SPG11: variants seen among roughly 807,000 people sequenced by gnomAD.
SPG11 encodes the protein SPG11 vesicle trafficking associated, spatacsin, also known as spatacsin.
A neutral mutation model predicts 274.0 loss-of-function variants in SPG11; 222 were observed. That is an observed-to-expected ratio of 0.81 (90% CI 0.73 to 0.91). The LOEUF is 0.91. Ranked by LOEUF, SPG11 falls within the 40% of genes least tolerant of loss-of-function variation. The pLI is 0.00. For synonymous variants in SPG11, 1,144 were observed against 1,039.7 expected (o/e 1.10, Z -1.93); for missense variants, 3,114 against 2,872.7 (o/e 1.08, Z -1.92).
intron 6 of SPG11, among the ~76,000 whole-genome samples, chr15:44,649,405 A>C (rs975615245): frequency 1.3e-5 from 2 of 152,184 alleles, no homozygotes; most frequent in Admixed American, 1.3e-4. Context: ...AAAATTTTTA[A>C]ATTGTTTTGT....
intron 4 of SPG11, among the ~76,000 whole-genome samples, chr15:44,653,751 T>A (rs1315192503): frequency 6.6e-6 from 1 of 152,130 alleles, no homozygotes; most frequent in South Asian, 2.1e-4. Context: ...TTCCCTCTTA[T>A]CCACAGTGGA....
At chr15:44,611,709 T>A (rs2083463069) in intron 17 of SPG11, among the ~76,000 whole-genome samples, 1 of 151,626 alleles carries the variant, frequency 6.6e-6, no homozygotes, top group African/African-American at 2.4e-5. Flanking sequence ...TAGAAAAAAA[T>A]GGAAAATGCC....
rs768097150 is a variant in SPG11 at position 44,663,410 on chromosome 15, G to A, written c.238C>T (p.Leu80=). The A allele has an allele frequency of 6.2e-6, 10 of 1,607,438 alleles. No homozygotes were observed. In the South Asian group the frequency reaches 8.9e-5, roughly 14 times the overall value. Residue 80 remains leucine (L), a synonymous_variant, in exon 1 of 40, where the codon CTG becomes TTG. Transcript: ENST00000261866. ...PGSRGGGRCC[L]EGPFWHFLWE... is the part of the protein sequence containing the mutation. ...ACTTACTGCCAGAAGGGGCCCTCCAGGCAGCAGCGACCCCCGCCCCGGCTG... is the reference window on the plus strand; with the variant it reads ...ACTTACTGCCAGAAGGGGCCCTCCAAGCAGCAGCGACCCCCGCCCCGGCTG...
intron 16 of SPG11, among the ~76,000 whole-genome samples, chr15:44,614,463 A>G (rs1332308205): frequency 1.3e-5 from 2 of 152,160 alleles, no homozygotes; most frequent in Admixed American, 1.3e-4. Context: ...GGCTAAAGTG[A>G]TTCTCCTGCC....
intron 2 of SPG11, among the ~76,000 whole-genome samples, chr15:44,660,088 A>T (rs997585992): frequency 6.6e-6 from 1 of 152,116 alleles, no homozygotes; most frequent in Non-Finnish European, 1.5e-5. Flanking sequence ...AAAATAAATA[A>T]ATAAAATTTT....
At chr15:44,597,528 C>T (rs1458134264) in intron 23 of SPG11, among the ~76,000 whole-genome samples, 2 of 152,168 alleles carry the variant, frequency 1.3e-5, no homozygotes, top group South Asian at 2.1e-4. Flanking sequence ...GTGTAGCATC[C>T]TTAGGAGAAC....
intron 8 of SPG11, among the ~76,000 whole-genome samples, chr15:44,633,027 A>G (rs1274191890): frequency 6.6e-6 from 1 of 152,194 alleles, no homozygotes; most frequent in Non-Finnish European, 1.5e-5. Flanking sequence ...GGGGACATTT[A>G]TAGAATCTGA....
intron 33 of SPG11, among the ~76,000 whole-genome samples, chr15:44,571,034 C>T (rs1440650035): frequency 6.6e-6 from 1 of 152,156 alleles, no homozygotes; most frequent in Non-Finnish European, 1.5e-5. Context: ...AGCAAAAGGT[C>T]TCAGGGCCTA....
intron 35 of SPG11, 136 bp downstream of exon 35, chr15:44,569,262 G>A (rs1288716297): frequency 4.1e-5 from 29 of 711,336 alleles, no homozygotes; most frequent in Non-Finnish European, 5.1e-5. Flanking sequence ...GACAGTGTAT[G>A]TCTTGGGGAG....
At chr15:44,647,439 T>C (rs1454306393) in intron 7 of SPG11, among the ~76,000 whole-genome samples, 2 of 152,110 alleles carry the variant, frequency 1.3e-5, no homozygotes, top group Non-Finnish European at 2.9e-5. Context: ...AATGAAAACA[T>C]ATGTCAACAC....
At chr15:44,624,730 T>C (rs1476195340) in intron 11 of SPG11, among the ~76,000 whole-genome samples, 1 of 152,208 alleles carries the variant, frequency 6.6e-6, no homozygotes, top group African/African-American at 2.4e-5. Flanking sequence ...AGCTTACTTG[T>C]GGTAATTTTT....
At chr15:44,632,855 T>G (rs1158774581) in intron 8 of SPG11, among the ~76,000 whole-genome samples, 3 of 152,112 alleles carry the variant, frequency 2.0e-5, no homozygotes, top group Admixed American at 2.0e-4. Flanking sequence ...AGCCACACTG[T>G]CAATACACAT....
intron 7 of SPG11, 51 bp from the exon 8 acceptor site, chr15:44,633,688 A>G: frequency 1.3e-6 from 2 of 1,576,852 alleles, no homozygotes; most frequent in Middle Eastern, 1.8e-4. Flanking sequence ...ATAGGAAAAA[A>G]AAATCAGGAT....
chr15:44,659,617 A>T (rs1357328007), intron 2 of SPG11, among the ~76,000 whole-genome samples: 2 of 152,096 alleles, frequency 1.3e-5, no homozygotes, highest in Non-Finnish European at 2.9e-5. Context: ...AAAGAAAAAA[A>T]GAAGAAACCT....
intron 7 of SPG11, among the ~76,000 whole-genome samples, chr15:44,635,964 G>C (rs2084236653): frequency 6.6e-6 from 1 of 151,764 alleles, no homozygotes. Context: ...GCATAAAGCA[G>C]TGTGCATAAG....
At chr15:44,585,968 G>C in intron 28 of SPG11, 118 bp from the exon 29 acceptor site, 3 of 627,110 alleles carry the variant, frequency 4.8e-6, no homozygotes, top group Non-Finnish European at 5.2e-6. Context: ...GTGGTTAAAG[G>C]AAAAATAAAA....
At chr15:44,600,655 T>A (rs746327564) in intron 20 of SPG11, 23 bp from the exon 21 acceptor site, 1 of 1,609,892 alleles carries the variant, frequency 6.2e-7, no homozygotes, top group South Asian at 1.1e-5. Flanking sequence ...TAAAACAATA[T>A]TAATTATCTG....
intron 20 of SPG11, chr15:44,604,305 C>G (rs1206804199): frequency 3.3e-6 from 1 of 302,508 alleles, no homozygotes; most frequent in East Asian, 8.5e-5. Flanking sequence ...GTCACATGCC[C>G]TATTTGTATT....
chr15:44,569,159 C>T (rs2082364978), intron 35 of SPG11, among the ~76,000 whole-genome samples: 1 of 146,118 alleles, frequency 6.8e-6, no homozygotes, highest in Non-Finnish European at 1.5e-5. Context: ...AGCGAAACTC[C>T]GTCTCAAAAA....
Sources: gnomAD v4.1 joint callset for allele counts (sites outside exome capture counted in the v4.1 genomes callset) on GRCh38, gnomAD v4.1.1 for gene constraint, MANE v1.5 for transcripts, NCBI Gene and HGNC (gene_info 2026-07-23, HGNC 2026-07-21) for gene names.